Variants in ENOX1 observed in about 807,000 individuals in gnomAD.
ENOX1 encodes the protein ecto-NOX disulfide-thiol exchanger 1, also known as candidate growth-related and time keeping constitutive hydroquinone (NADH) oxidase.
A neutral mutation model predicts 82.5 loss-of-function variants in ENOX1; 42 were observed. The observed-to-expected ratio is 0.51, with a 90% CI of 0.40 to 0.66. ENOX1 has a LOEUF of 0.66. ENOX1 is among the 30% of genes least tolerant of loss of function. ENOX1 has a pLI of 0.00. For missense variants in ENOX1, 608 were observed against 811.6 expected (o/e 0.75, Z 3.05); for synonymous variants, 271 against 282.2 (o/e 0.96, Z 0.40).
intron 2 of ENOX1, chr13:43,545,115 C>G (rs1484775185): frequency 6.6e-6 from 1 of 152,238 alleles, no homozygotes; most frequent in Non-Finnish European, 1.5e-5. Context: ...GACCACACAG[C>G]TGCGTCCAAG....
At chr13:43,214,828 T>A (rs770339598) in intron 16 of ENOX1, among the ~76,000 whole-genome samples, 1 of 152,204 alleles carries the variant, frequency 6.6e-6, no homozygotes, top group Non-Finnish European at 1.5e-5. Flanking sequence ...TGTGTTAGCA[T>A]GCCAATCCAT....
chr13:43,481,577 G>GA (rs1014666928), intron 3 of ENOX1, among the ~76,000 whole-genome samples: 1 of 151,964 alleles, frequency 6.6e-6, no homozygotes, highest in African/African-American at 2.4e-5. Context: ...AAAACCCAGG[G>GA]AAAAAGCTCC....
intron 1 of ENOX1, among the ~76,000 whole-genome samples, chr13:43,672,880 T>C (rs2085333532): frequency 6.6e-6 from 1 of 152,158 alleles, no homozygotes; most frequent in South Asian, 2.1e-4. Context: ...CTGAATTCAC[T>C]ACCTACAGTT....
At chr13:43,400,866 A>G (rs2053456046) in intron 5 of ENOX1, among the ~76,000 whole-genome samples, 1 of 152,346 alleles carries the variant, frequency 6.6e-6, no homozygotes, top group East Asian at 1.9e-4. Flanking sequence ...TTAGGCAAAA[A>G]ACGTAGGAGA....
intron 2 of ENOX1, among the ~76,000 whole-genome samples, chr13:43,527,956 G>C (rs2078052815): frequency 6.6e-6 from 1 of 152,072 alleles, no homozygotes; most frequent in Non-Finnish European, 1.5e-5. Context: ...AGAGTAGATA[G>C]ACTTCCATTA....
intron 9 of ENOX1, among the ~76,000 whole-genome samples, chr13:43,342,249 T>C (rs1357734660): frequency 1.3e-5 from 2 of 152,124 alleles, no homozygotes; most frequent in Admixed American, 1.3e-4. Context: ...AACCAAAGCC[T>C]GACTTGGGTG....
chr13:43,408,749 A>G (rs2053946399), intron 5 of ENOX1, among the ~76,000 whole-genome samples: 2 of 152,228 alleles, frequency 1.3e-5, no homozygotes, highest in Non-Finnish European at 2.9e-5. Flanking sequence ...ATAAATCAGT[A>G]GTAAAGAATA....
chr13:43,698,538 T>C (rs1257828249), intron 1 of ENOX1, among the ~76,000 whole-genome samples: 1 of 152,162 alleles, frequency 6.6e-6, no homozygotes, highest in Non-Finnish European at 1.5e-5. Context: ...AACCATATTA[T>C]AGAAAGGCAT....
intron 9 of ENOX1, among the ~76,000 whole-genome samples, chr13:43,338,921 G>A (rs1242278067): frequency 9.2e-5 from 14 of 152,048 alleles, no homozygotes; most frequent in East Asian, 1.9e-4. Flanking sequence ...TCCTGACCTC[G>A]TGATCCGCCC....
At chr13:43,464,209 C>A (rs925627981) in intron 3 of ENOX1, among the ~76,000 whole-genome samples, 1 of 151,956 alleles carries the variant, frequency 6.6e-6, no homozygotes, top group Non-Finnish European at 1.5e-5. Flanking sequence ...TCAAAATCAA[C>A]AAGAAGGTCA....
intron 5 of ENOX1, among the ~76,000 whole-genome samples, chr13:43,400,450 T>C (rs567412221): frequency 1.3e-5 from 2 of 152,334 alleles, no homozygotes; most frequent in African/African-American, 4.8e-5. Context: ...TGTGTTAAAC[T>C]TTAAAAATTC....
intron 1 of ENOX1, among the ~76,000 whole-genome samples, chr13:43,765,663 A>G (rs1951219767): frequency 6.6e-6 from 1 of 152,220 alleles, no homozygotes; most frequent in Non-Finnish European, 1.5e-5. Flanking sequence ...GGAAGCACTC[A>G]GTAAACACTT....
chr13:43,585,329 C>T (rs2080928896), intron 2 of ENOX1, among the ~76,000 whole-genome samples: 2 of 152,190 alleles, frequency 1.3e-5, no homozygotes, highest in Non-Finnish European at 2.9e-5. Context: ...CTTAATTCAG[C>T]CCATTGAAAC....
intron 9 of ENOX1, among the ~76,000 whole-genome samples, chr13:43,338,287 G>A (rs957392412): frequency 1.3e-5 from 2 of 152,176 alleles, no homozygotes; most frequent in African/African-American, 4.8e-5. Flanking sequence ...AACTGAAAGT[G>A]GGCAGGCCTA....
intron 3 of ENOX1, among the ~76,000 whole-genome samples, chr13:43,451,409 T>G (rs2056959083): frequency 6.6e-6 from 1 of 152,164 alleles, no homozygotes; most frequent in African/African-American, 2.4e-5. Context: ...GGCACTCCTC[T>G]GATGGAAAAT....
chr13:43,736,613 C>T (rs2089645740), intron 1 of ENOX1, among the ~76,000 whole-genome samples: 1 of 152,026 alleles, frequency 6.6e-6, no homozygotes, highest in Non-Finnish European at 1.5e-5. Flanking sequence ...TTACTTTATC[C>T]CGCTTGTCTC....
chr13:43,503,843 T>C (rs146812590), intron 2 of ENOX1, among the ~76,000 whole-genome samples: 1 of 151,760 alleles, frequency 6.6e-6, no homozygotes, highest in Admixed American at 6.6e-5. Context: ...AATAGATATG[T>C]GGGATCACAT....
chr13:43,767,959 G>T (rs7988769), intron 1 of ENOX1, among the ~76,000 whole-genome samples: 1 of 152,198 alleles, frequency 6.6e-6, no homozygotes, highest in East Asian at 1.9e-4. Flanking sequence ...AGAGAGTCGG[G>T]GGGGAGCGGA....
chr13:43,361,890 A>G (rs1350850143), intron 5 of ENOX1, among the ~76,000 whole-genome samples: 1 of 151,976 alleles, frequency 6.6e-6, no homozygotes, highest in Non-Finnish European at 1.5e-5. Context: ...TTCTTACCCA[A>G]GTGACCTAGA....
Sources: gnomAD v4.1 joint callset for allele counts (sites outside exome capture counted in the v4.1 genomes callset) on GRCh38, gnomAD v4.1.1 for gene constraint, MANE v1.5 for transcripts, NCBI Gene and HGNC (gene_info 2026-07-23, HGNC 2026-07-21) for gene names.